PTPN13: variants seen among roughly 807,000 people sequenced by gnomAD.
PTPN13 encodes the protein tyrosine-protein phosphatase non-receptor type 13.
PTPN13 carries 191 observed loss-of-function variants against 284.0 expected under a neutral mutation model. That is an observed-to-expected ratio of 0.67 (90% CI 0.60 to 0.76). The LOEUF (loss-of-function observed/expected upper bound fraction) is 0.76. Ranked by LOEUF, PTPN13 falls within the 30% of genes least tolerant of loss-of-function variation. The probability of loss-of-function intolerance (pLI) is 0.00; values close to 1 mark genes in which losing one functional copy is unlikely to be tolerated. For missense variants in PTPN13, 2,797 were observed against 2,939.9 expected (o/e 0.95, Z 1.12); for synonymous variants, 986 against 1,022.3 (o/e 0.96, Z 0.68).
chr4:86,758,280 A>G lies in PTPN13; in HGVS notation c.3244A>G (p.Ser1082Gly), dbSNP rs1373865164. The change falls in exon 21 of 48, where the codon AGC (serine) becomes GGC (glycine). Residue 1082 changes from serine (S) to glycine (G), a missense_variant. Transcript: ENST00000411767. ...KENDVLHKRW[S>G]IVSSPEREIT... ...AATAGATGTGCTACACAAAAGATGG[A>G]GCATAGTATCTTCACCAGAAAGGGA... The G allele has an allele frequency of 6.2e-7, 1 of 1,610,220 alleles. No individual in the cohort carries two copies. Among genetic ancestry groups the G allele is most frequent in the Non-Finnish European group, 8.5e-7 (1 of 1,177,534 alleles).
chr4:86,701,606 T>G lies in PTPN13; in HGVS notation c.1000T>G (p.Ser334Ala), dbSNP rs755467869. Residue 334 changes from serine to alanine, a missense_variant, in exon 7 of 48, where the codon TCA (serine) becomes GCA (alanine). Transcript: ENST00000411767. ...CCCTGAGGCAGTAACAGTGCGGACT[T>G]CAACTACTCCTAGAAAAAAGGAGGC... Reference protein sequence around the residue: ...CHPEAVTVRTSTTPRKKEARY... With the variant: ...CHPEAVTVRTATTPRKKEARY... 1.2e-6 allele frequency: 2 copies of G among 1,613,762 alleles called. No homozygotes were observed. Among genetic ancestry groups the G allele is most frequent in the Non-Finnish European group, 8.5e-7 (1 of 1,179,872 alleles).
chr4:86,699,808 T>C (rs1412044854), intron 6 of PTPN13, among the ~76,000 whole-genome samples: 1 of 152,230 alleles, frequency 6.6e-6, no homozygotes, highest in Non-Finnish European at 1.5e-5. Flanking sequence ...CTGTTCTCTA[T>C]TCAATAAAAT....
intron 39 of PTPN13, 23 bp downstream of exon 39, chr4:86,785,391 T>C: frequency 6.2e-7 from 1 of 1,603,080 alleles, no homozygotes; most frequent in African/African-American, 1.3e-5. Context: ...GATGAATAAA[T>C]TGGTATACTA....
At chr4:86,703,288 G>T (rs1731359215) in intron 7 of PTPN13, among the ~76,000 whole-genome samples, 1 of 152,076 alleles carries the variant, frequency 6.6e-6, no homozygotes, top group African/African-American at 2.4e-5. Context: ...AATTGTGATA[G>T]CAGAGAGATT....
At position 86,815,079 on chromosome 4, in the gene PTPN13, C is replaced by G. The variant is rs1263925871; in HGVS notation, c.*528C>G. On this transcript the variant is annotated 3_prime_UTR_variant, in exon 48 of 48. Transcript: ENST00000411767. ...TCATGAAAATGGAGTTATCAGTTATCTGTTTGTTACTGCATCATCTGTTTG... is the reference window on the plus strand; with the variant it reads ...TCATGAAAATGGAGTTATCAGTTATGTGTTTGTTACTGCATCATCTGTTTG... 2 of 152,642 alleles carry G rather than the reference C, an allele frequency of 1.3e-5. No individual in the cohort carries two copies. The highest frequency in any genetic ancestry group is 2.9e-5 in the Non-Finnish European group (2 of 68,074). The allele number at this position is 152,642 out of a possible 1,614,324, so 9.5% of individuals were successfully genotyped here.
At chr4:86,638,388 A>T (rs2148739447) in intron 2 of PTPN13, among the ~76,000 whole-genome samples, 1 of 152,336 alleles carries the variant, frequency 6.6e-6, no homozygotes, top group African/African-American at 2.4e-5. Flanking sequence ...CTAAACCAAA[A>T]GAACAAAGCT....
chr4:86,671,421 G>A (rs967586087), intron 2 of PTPN13, among the ~76,000 whole-genome samples: 5 of 152,090 alleles, frequency 3.3e-5, no homozygotes, highest in Non-Finnish European at 7.4e-5. Context: ...ATTATCTTGA[G>A]TCTATAACCA....
At chr4:86,649,772 A>G (rs993213072) in intron 2 of PTPN13, among the ~76,000 whole-genome samples, 2 of 152,120 alleles carry the variant, frequency 1.3e-5, no homozygotes, top group Admixed American at 1.3e-4. Flanking sequence ...AATTTCATTG[A>G]TATTCTAATA....
At chr4:86,639,595 G>A (rs1312993099) in intron 2 of PTPN13, among the ~76,000 whole-genome samples, 11 of 149,230 alleles carry the variant, frequency 7.4e-5, no homozygotes, top group South Asian at 4.2e-4. Context: ...ACCAAACACC[G>A]CCATGTTCTC....
chr4:86,805,315 A>C lies in PTPN13; in HGVS notation c.6691A>C (p.Ile2231Leu). The change falls in exon 44 of 48, where the codon ATT becomes CTT. Residue 2231 changes from isoleucine to leucine, a missense_variant. Coordinates refer to ENST00000411767, the MANE Select transcript of PTPN13 (RefSeq NM_080683.3). ...ATTAAAACCTTTGGATCAGTGTCTAATTGGGCAAACTAAGGAAAACAGAAG... is the reference window on the plus strand; with the variant it reads ...ATTAAAACCTTTGGATCAGTGTCTACTTGGGCAAACTAAGGAAAACAGAAG... Reference protein sequence around the residue: ...QELKPLDQCLIGQTKENRRKN... With the variant: ...QELKPLDQCLLGQTKENRRKN... 3 of 1,602,186 alleles carry C rather than the reference A, an allele frequency of 1.9e-6. No homozygotes were observed. The highest frequency in any genetic ancestry group is 2.6e-6 in the Non-Finnish European group (3 of 1,171,588).
At position 86,712,407 on chromosome 4, in the gene PTPN13, T is replaced by A. The variant is rs1185391842; in HGVS notation, c.1196-4123T>A. Among the ~76,000 whole-genome samples, 13 of 151,612 alleles carry A rather than the reference T, an allele frequency of 8.6e-5. No homozygotes were observed. In the East Asian group the frequency reaches 2.5e-3, roughly 29 times the overall value. On this transcript the variant is annotated intron_variant, in intron 7 of 47. Transcript: ENST00000411767. ...AGATGACTTGTAAACATGGAAAATGTGCCTCTCCATATATACCACTGCAAG... is the reference window on the plus strand; with the variant it reads ...AGATGACTTGTAAACATGGAAAATGAGCCTCTCCATATATACCACTGCAAG...
chr4:86,809,402 T>G (rs1744979880), intron 45 of PTPN13, among the ~76,000 whole-genome samples: 1 of 152,142 alleles, frequency 6.6e-6, no homozygotes, highest in African/African-American at 2.4e-5. Context: ...AATATAATAT[T>G]AAGAATTAAT....
At chr4:86,640,876 C>A (rs1723707779) in intron 2 of PTPN13, among the ~76,000 whole-genome samples, 1 of 152,098 alleles carries the variant, frequency 6.6e-6, no homozygotes, top group Non-Finnish European at 1.5e-5. Flanking sequence ...TAAATACTGT[C>A]CAGTAGGAGC....
In PTPN13 at chr4:86,734,438, A is replaced by T; in HGVS notation, c.1994A>T (p.Asp665Val). 1 of 1,557,812 alleles carries T rather than the reference A, an allele frequency of 6.4e-7. No homozygotes were observed. The highest frequency in any genetic ancestry group is 8.7e-7 in the Non-Finnish European group (1 of 1,149,478). ...TLFFRIKFFMDDVSLIQHTLT... is the reference protein window; with the variant it reads ...TLFFRIKFFMVDVSLIQHTLT... The stretch of plus-strand genomic sequence containing the variant: ...TTTTTCAGAATTAAATTTTTTATGG[A>T]TGATGTTAGTCTAATACAGTGAGTA... The change falls in exon 13 of 48, where the codon GAT becomes GTT. Residue 665 changes from aspartate (D) to valine (V), a missense_variant. Physicochemically the swap from Asp to Val is radical, Grantham distance 152. Coordinates refer to ENST00000411767, the MANE Select transcript of PTPN13 (RefSeq NM_080683.3).
chr4:86,637,882 G>A (rs1281707166), intron 2 of PTPN13, among the ~76,000 whole-genome samples: 1 of 150,878 alleles, frequency 6.6e-6, no homozygotes, highest in East Asian at 1.9e-4. Context: ...AAAAGAGGAA[G>A]TCAAATTGTC....
chr4:86,600,939 G>A (rs1198453825), intron 1 of PTPN13, among the ~76,000 whole-genome samples: 1 of 151,962 alleles, frequency 6.6e-6, no homozygotes, highest in East Asian at 1.9e-4. Flanking sequence ...CCTTGTCAGT[G>A]TCTTTTATAT....
intron 20 of PTPN13, among the ~76,000 whole-genome samples, chr4:86,754,147 A>C (rs1287523728): frequency 6.6e-6 from 1 of 152,082 alleles, no homozygotes; most frequent in Non-Finnish European, 1.5e-5. Flanking sequence ...CAATGTCTTA[A>C]ATACTCATAG....
chr4:86,620,625 A>T (rs969958881), intron 1 of PTPN13, among the ~76,000 whole-genome samples: 18 of 152,220 alleles, frequency 1.2e-4, no homozygotes, highest in African/African-American at 4.3e-4. Context: ...AATAGCCAAC[A>T]TTACTGATAT....
chr4:86,780,124 C>T (rs1194118688), intron 35 of PTPN13, among the ~76,000 whole-genome samples: 1 of 152,106 alleles, frequency 6.6e-6, no homozygotes, highest in Non-Finnish European at 1.5e-5. Flanking sequence ...CCGGGCCAGT[C>T]ACGGTGGCTC....
Sources: allele counts gnomAD v4.1 joint callset (sites outside exome capture counted in the v4.1 genomes callset), GRCh38; gene constraint gnomAD v4.1.1; transcripts MANE v1.5; gene names NCBI Gene and HGNC (gene_info 2026-07-23, HGNC 2026-07-21).